ST8SIA5: variants seen among roughly 807,000 people sequenced by gnomAD.
ST8SIA5 encodes the protein alpha-2,8-sialyltransferase 8E.
ST8SIA5 carries 24 observed loss-of-function variants against 40.2 expected under a neutral mutation model. The observed-to-expected ratio is 0.60, with a 90% CI of 0.43 to 0.84. The LOEUF (loss-of-function observed/expected upper bound fraction) is 0.84. Among genes scored for constraint, ST8SIA5 ranks in the 40% least tolerant of loss-of-function variants. ST8SIA5 has a pLI of 0.00. For synonymous variants in ST8SIA5, 198 were observed against 201.8 expected (o/e 0.98, Z 0.16); for missense variants, 465 against 498.5 (o/e 0.93, Z 0.64).
chr18:46,725,972 A>AAAAATATATATATAT (rs59660372), intron 1 of ST8SIA5, among the ~76,000 whole-genome samples: 4 of 29,088 alleles, frequency 1.4e-4, no homozygotes, highest in Non-Finnish European at 2.4e-4. Flanking sequence ...AAAAAAAAAA[A>AAAAATATATATATAT]ATATATATAT....
At chr18:46,704,742 T>C (rs1599117114) in intron 1 of ST8SIA5, 78 bp from the exon 2 acceptor site, 9 of 1,181,348 alleles carry the variant, frequency 7.6e-6, no homozygotes, top group Non-Finnish European at 1.0e-5. Flanking sequence ...TGTTGCAGGG[T>C]GGAGTGTCTG....
At chr18:46,725,563 G>C (rs1022065036) in intron 1 of ST8SIA5, among the ~76,000 whole-genome samples, 1 of 152,000 alleles carries the variant, frequency 6.6e-6, no homozygotes, top group African/African-American at 2.4e-5. Context: ...AGTTACAAAA[G>C]GAGATACCCA....
At chr18:46,707,098 T>C (rs1022118209) in intron 1 of ST8SIA5, among the ~76,000 whole-genome samples, 2 of 152,248 alleles carry the variant, frequency 1.3e-5, no homozygotes, top group Non-Finnish European at 2.9e-5. Flanking sequence ...CTAACTCACC[T>C]AATTTTCCAG....
At chr18:46,743,090 C>T (rs2040103253) in intron 1 of ST8SIA5, among the ~76,000 whole-genome samples, 1 of 152,154 alleles carries the variant, frequency 6.6e-6, no homozygotes, top group South Asian at 2.1e-4. Flanking sequence ...GTAGATAAAA[C>T]CACAAAGATG....
intron 6 of ST8SIA5, among the ~76,000 whole-genome samples, chr18:46,681,276 C>T (rs573064423): frequency 1.3e-5 from 2 of 152,278 alleles, no homozygotes; most frequent in African/African-American, 4.8e-5. Context: ...CCACACCTGG[C>T]CCCATTTCTT....
intron 1 of ST8SIA5, among the ~76,000 whole-genome samples, chr18:46,747,223 A>T (rs1477422404): frequency 6.6e-6 from 1 of 152,268 alleles, no homozygotes; most frequent in East Asian, 1.9e-4. Context: ...GACAAATGGT[A>T]TCTAATTAAA....
chr18:46,712,953 T>A (rs981995837), intron 1 of ST8SIA5, among the ~76,000 whole-genome samples: 1 of 152,180 alleles, frequency 6.6e-6, no homozygotes, highest in Non-Finnish European at 1.5e-5. Context: ...GGGAAGAACT[T>A]CCCAGAGAAG....
chr18:46,710,131 C>T (rs1360107177), intron 1 of ST8SIA5, among the ~76,000 whole-genome samples: 2 of 152,156 alleles, frequency 1.3e-5, no homozygotes, highest in Non-Finnish European at 2.9e-5. Context: ...GAGCCCAACT[C>T]CTCTCAAATG....
chr18:46,734,383 C>T (rs2040014434), intron 1 of ST8SIA5, among the ~76,000 whole-genome samples: 1 of 151,994 alleles, frequency 6.6e-6, no homozygotes, highest in Non-Finnish European at 1.5e-5. Flanking sequence ...CCCCCAACCC[C>T]TAGGCCGTTC....
intron 2 of ST8SIA5, among the ~76,000 whole-genome samples, chr18:46,697,197 G>A (rs2039565200): frequency 6.6e-6 from 1 of 151,314 alleles, no homozygotes; most frequent in African/African-American, 2.4e-5. Context: ...AGGGCCAGGA[G>A]CATCATGAAC....
intron 1 of ST8SIA5, among the ~76,000 whole-genome samples, chr18:46,720,675 C>G (rs1487787259): frequency 1.3e-5 from 2 of 152,254 alleles, no homozygotes; most frequent in East Asian, 3.9e-4. Flanking sequence ...TAATCAGCCC[C>G]TGGGAATGCT....
At chr18:46,684,683 A>G (rs551611983) in intron 5 of ST8SIA5, among the ~76,000 whole-genome samples, 28 of 152,284 alleles carry the variant, frequency 1.8e-4, no homozygotes, top group Middle Eastern at 3.4e-3. Context: ...TCCTTCATTT[A>G]AGACTAATTT....
intron 1 of ST8SIA5, among the ~76,000 whole-genome samples, chr18:46,748,748 G>C (rs535747033): frequency 6.7e-6 from 1 of 149,440 alleles, no homozygotes. Flanking sequence ...GATAATAAAA[G>C]TGTTATCAAG....
At chr18:46,748,259 C>T (rs1265703643) in intron 1 of ST8SIA5, among the ~76,000 whole-genome samples, 22 of 151,402 alleles carry the variant, frequency 1.5e-4, no homozygotes, top group Non-Finnish European at 1.3e-4. Context: ...AAAAAATAGG[C>T]AAAGGGGCTG....
intron 1 of ST8SIA5, among the ~76,000 whole-genome samples, chr18:46,714,826 G>C (rs939658759): frequency 6.6e-6 from 1 of 152,162 alleles, no homozygotes; most frequent in African/African-American, 2.4e-5. Flanking sequence ...CCTCAGTTTT[G>C]CAGATGAAGT....
intron 5 of ST8SIA5, among the ~76,000 whole-genome samples, chr18:46,684,391 C>T (rs1034982225): frequency 6.6e-6 from 1 of 152,112 alleles, no homozygotes; most frequent in Non-Finnish European, 1.5e-5. Flanking sequence ...TAACATTTTC[C>T]TTATAATAAA....
chr18:46,712,954 C>T (rs923574644), intron 1 of ST8SIA5, among the ~76,000 whole-genome samples: 1 of 152,212 alleles, frequency 6.6e-6, no homozygotes, highest in Non-Finnish European at 1.5e-5. Context: ...GGAAGAACTT[C>T]CCAGAGAAGG....
intron 1 of ST8SIA5, among the ~76,000 whole-genome samples, chr18:46,706,161 A>C (rs1057047835): frequency 1.3e-5 from 2 of 151,922 alleles, no homozygotes; most frequent in Admixed American, 1.3e-4. Context: ...TATTTAAATA[A>C]TTTTACATAA....
chr18:46,680,548 T>C, intron 6 of ST8SIA5, 38 bp from the exon 7 acceptor site: 1 of 1,515,172 alleles, frequency 6.6e-7, no homozygotes, highest in Non-Finnish European at 8.9e-7. Flanking sequence ...CACCCACTCC[T>C]CCGTGCCCTC....
Sources: allele counts gnomAD v4.1 joint callset (sites outside exome capture counted in the v4.1 genomes callset), GRCh38; gene constraint gnomAD v4.1.1; transcripts MANE v1.5; gene names NCBI Gene and HGNC (gene_info 2026-07-23, HGNC 2026-07-21).